RIPOR2: variants seen among roughly 807,000 people sequenced by gnomAD.
The protein encoded by RIPOR2 is RHO family interacting cell polarization regulator 2, also known as rho family-interacting cell polarization regulator 2.
Under a neutral mutation model 114.5 loss-of-function variants are expected in RIPOR2, and 39 were observed. The ratio of observed to expected loss-of-function variants is 0.34; its 90% CI spans 0.26 to 0.44. The LOEUF is 0.44. Among genes scored for constraint, RIPOR2 ranks in the 20% least tolerant of loss-of-function variants. The probability of loss-of-function intolerance (pLI) is 1.00; values close to 1 mark genes in which losing one functional copy is unlikely to be tolerated. For synonymous variants in RIPOR2, 445 were observed against 484.4 expected (o/e 0.92, Z 1.07); for missense variants, 1,007 against 1,255.1 (o/e 0.80, Z 2.99).
chr6:24,930,418 C>A (rs1048826385), intron 1 of RIPOR2, among the ~76,000 whole-genome samples: 4 of 152,156 alleles, frequency 2.6e-5, no homozygotes, highest in Non-Finnish European at 4.4e-5. Flanking sequence ...TAGTTTTGGG[C>A]CCCTTTTGGC....
intron 1 of RIPOR2, chr6:24,976,798 C>A: frequency 6.2e-7 from 1 of 1,611,522 alleles, no homozygotes; most frequent in South Asian, 1.1e-5. Flanking sequence ...ATGCTGGACC[C>A]AACACAAATG....
chr6:24,952,953 T>C (rs545543589), intron 1 of RIPOR2, among the ~76,000 whole-genome samples: 7 of 152,382 alleles, frequency 4.6e-5, no homozygotes, highest in African/African-American at 7.2e-5. Context: ...GAACCTGTTA[T>C]GCACTGAATG....
intron 1 of RIPOR2, chr6:25,023,763 G>T: frequency 1.2e-6 from 1 of 802,074 alleles, no homozygotes; most frequent in East Asian, 2.4e-5. Flanking sequence ...GAGGTCGGGT[G>T]GGTGGAGCCA....
chr6:25,042,058 TAAA>T (rs35331447), upstream of RIPOR2: 359 of 439,614 alleles, frequency 8.2e-4, no homozygotes, highest in South Asian at 2.1e-3. Flanking sequence ...GTTCTTTTCT[TAAA>T]AAAAAAAAAA....
At chr6:24,884,909 C>T (rs185227828) in intron 1 of RIPOR2, among the ~76,000 whole-genome samples, 271 of 152,194 alleles carry the variant, frequency 1.8e-3, no homozygotes, top group Non-Finnish European at 2.2e-3. Context: ...ATAATGAATA[C>T]TTAGTTTTAA....
intron 1 of RIPOR2, among the ~76,000 whole-genome samples, chr6:24,914,226 C>A (rs923901093): frequency 6.6e-6 from 1 of 152,064 alleles, no homozygotes; most frequent in Admixed American, 6.5e-5. Context: ...ATCCCAGCTA[C>A]TCAGGAGGGT....
At chr6:24,833,535 AC>A (rs200986857) in intron 15 of RIPOR2, among the ~76,000 whole-genome samples, 4,023 of 152,206 alleles carry the variant, frequency 0.026, 157 homozygotes, top group African/African-American at 0.085. Context: ...CAACAAAAAA[AC>A]AAAACAAAGT....
chr6:24,949,539 C>A (rs1199942303), intron 1 of RIPOR2, among the ~76,000 whole-genome samples: 1 of 152,132 alleles, frequency 6.6e-6, no homozygotes, highest in Non-Finnish European at 1.5e-5. Context: ...GTAGGTTGGG[C>A]CAGCTTTCTG....
At chr6:24,826,993 ATTG>A (rs1044130573) in intron 18 of RIPOR2, among the ~76,000 whole-genome samples, 1 of 151,924 alleles carries the variant, frequency 6.6e-6, no homozygotes, top group African/African-American at 2.4e-5. Context: ...GTCATTCCCC[ATTG>A]TTGTTAGTAA....
intron 1 of RIPOR2, 43 bp downstream of exon 1, chr6:24,935,795 G>T (rs1445593134): frequency 2.1e-6 from 3 of 1,436,280 alleles, no homozygotes; most frequent in Non-Finnish European, 2.8e-6. Context: ...TCAAAACAAA[G>T]CAAAGCAGAC....
intron 1 of RIPOR2, among the ~76,000 whole-genome samples, chr6:25,035,036 C>A (rs961213613): frequency 2.0e-5 from 3 of 152,306 alleles, no homozygotes; most frequent in Non-Finnish European, 4.4e-5. Flanking sequence ...TAGGTAACAA[C>A]ATGTTTGAAG....
At chr6:24,840,161 T>C (rs1761551103) in intron 13 of RIPOR2, 1 of 868,914 alleles carries the variant, frequency 1.2e-6, no homozygotes, top group Non-Finnish European at 1.4e-6. Context: ...ATGTTGACCA[T>C]ACCGGTCTTG....
intron 1 of RIPOR2, among the ~76,000 whole-genome samples, chr6:24,974,026 T>C (rs1401886895): frequency 6.6e-6 from 1 of 152,188 alleles, no homozygotes; most frequent in Admixed American, 6.5e-5. Context: ...CCTGGGTCAA[T>C]TGTACCCCAA....
intron 1 of RIPOR2, among the ~76,000 whole-genome samples, chr6:24,994,200 C>T (rs1055904865): frequency 3.9e-5 from 6 of 152,138 alleles, no homozygotes; most frequent in African/African-American, 1.4e-4. Flanking sequence ...AGGAACTGGA[C>T]TCTTTGAGAC....
At chr6:24,990,022 C>A (rs1351817806) in intron 1 of RIPOR2, among the ~76,000 whole-genome samples, 1 of 150,954 alleles carries the variant, frequency 6.6e-6, no homozygotes, top group Non-Finnish European at 1.5e-5. Context: ...TAGCATGAGT[C>A]TCAAAAAATA....
At chr6:24,912,608 G>C (rs1174639040) in intron 1 of RIPOR2, among the ~76,000 whole-genome samples, 1 of 152,186 alleles carries the variant, frequency 6.6e-6, no homozygotes, top group African/African-American at 2.4e-5. Context: ...GGAGTCTGGA[G>C]AAAGAGACCT....
At chr6:25,040,740 C>T (rs1215682812) in intron 1 of RIPOR2, among the ~76,000 whole-genome samples, 1 of 151,760 alleles carries the variant, frequency 6.6e-6, no homozygotes, top group East Asian at 1.9e-4. Context: ...TTACAGGCGT[C>T]CACCACCACG....
At chr6:24,982,918 T>A (rs1296189197) in intron 1 of RIPOR2, among the ~76,000 whole-genome samples, 2 of 152,184 alleles carry the variant, frequency 1.3e-5, no homozygotes, top group Non-Finnish European at 2.9e-5. Context: ...CCTGCCTCAC[T>A]CATTGTCTTC....
chr6:24,927,135 T>C (rs1334927541), intron 1 of RIPOR2, among the ~76,000 whole-genome samples: 213 of 1,896 alleles, frequency 0.11, 92 homozygotes, highest in Admixed American at 0.43. Flanking sequence ...ATCATCTCAC[T>C]ACCACCACCA....
Sources: gnomAD v4.1 joint callset for allele counts (sites outside exome capture counted in the v4.1 genomes callset) on GRCh38, gnomAD v4.1.1 for gene constraint, MANE v1.5 for transcripts, NCBI Gene and HGNC (gene_info 2026-07-23, HGNC 2026-07-21) for gene names.